Variants in TMCO5A observed in about 807,000 individuals in gnomAD.
The protein encoded by TMCO5A is transmembrane and coiled-coil domains 5A.
A neutral mutation model predicts 42.3 loss-of-function variants in TMCO5A; 34 were observed. The ratio of observed to expected loss-of-function variants is 0.80; its 90% confidence interval spans 0.61 to 1.07. TMCO5A has a LOEUF of 1.07. Among genes scored for constraint, TMCO5A ranks in the 50% least tolerant of loss-of-function variants. The pLI is 0.00. For synonymous variants in TMCO5A, 131 were observed against 115.6 expected, an observed-to-expected ratio of 1.13 and a Z score of -0.86; for missense variants, 357 against 327.9, an observed-to-expected ratio of 1.09 and a Z score of -0.69.
At chr15:38,020,334 G>A in the TMCO5A span, 1 of 152,120 alleles carries the variant, frequency 6.6e-6, no homozygotes, top group South Asian at 2.1e-4. Flanking sequence ...AATAGGGTGA[G>A]GGGAGGAAAG....
At position 37,942,247 on chromosome 15, in the gene TMCO5A, G is replaced by C; in HGVS notation, c.561G>C (p.Glu187Asp). The change falls in exon 9 of 12, where the codon GAG becomes GAC. Residue 187 changes from glutamate to aspartate, a missense_variant. By Grantham distance (45) the Glu-to-Asp change is conservative. Transcript: ENST00000319669. ...AAGAACTAGAGGCTCTGTTCCTTGA[G>C]AGAGAAGTGTGAGCTTTGGCAAAGG... ...IEEELEALFLEREVSKLVSMN... is the reference protein window; with the variant it reads ...IEEELEALFLDREVSKLVSMN... 1 of 1,612,802 alleles carries C rather than the reference G, an allele frequency of 6.2e-7. No homozygotes were observed. Among genetic ancestry groups the C allele is most frequent in the South Asian group, 1.1e-5 (1 of 91,000 alleles).
the TMCO5A span, among the ~76,000 whole-genome samples, chr15:37,977,271 T>C: frequency 6.6e-6 from 1 of 152,148 alleles, no homozygotes; most frequent in Non-Finnish European, 1.5e-5. Context: ...GTGCAGTTGT[T>C]TGGAGGTAAG....
downstream of TMCO5A, among the ~76,000 whole-genome samples, chr15:37,955,058 A>T (rs1890251885): frequency 6.6e-6 from 1 of 152,018 alleles, no homozygotes; most frequent in Non-Finnish European, 1.5e-5. Context: ...CAAAACAACA[A>T]GGAAACAACA....
the TMCO5A span, chr15:38,004,883 G>A: frequency 6.6e-6 from 1 of 152,120 alleles, no homozygotes; most frequent in Admixed American, 6.5e-5. Flanking sequence ...TGCTTTTCTT[G>A]TATTGCTTAA....
the TMCO5A span, among the ~76,000 whole-genome samples, chr15:38,031,427 C>A: frequency 2.0e-5 from 3 of 152,128 alleles, no homozygotes; most frequent in East Asian, 5.8e-4. Flanking sequence ...GAAGTGACAA[C>A]ATACAACTCC....
At chr15:37,975,388 T>TCGGGAGGCTGAGGCAGGA in the TMCO5A span, among the ~76,000 whole-genome samples, 3 of 151,672 alleles carry the variant, frequency 2.0e-5, no homozygotes, top group African/African-American at 7.3e-5. Flanking sequence ...TTGTAGGTCT[T>TCGGGAGGCTGAGGCAGGA]TAAGAAATTG....
chr15:37,995,563 G>T, the TMCO5A span, among the ~76,000 whole-genome samples: 1 of 152,152 alleles, frequency 6.6e-6, no homozygotes, highest in Non-Finnish European at 1.5e-5. Context: ...AACTTCCACC[G>T]AAGAGCCCAG....
the TMCO5A span, among the ~76,000 whole-genome samples, chr15:38,039,466 G>A: frequency 6.1e-3 from 922 of 152,178 alleles, 13 homozygotes; most frequent in African/African-American, 0.021. Flanking sequence ...ATAAGTTATC[G>A]TTCCTCTTGT....
chr15:37,956,965 C>A (rs1350602782), intron 11 of TMCO5A, among the ~76,000 whole-genome samples: 1 of 152,168 alleles, frequency 6.6e-6, no homozygotes, highest in Non-Finnish European at 1.5e-5. Flanking sequence ...TAATCCATCA[C>A]ATAAACAGAA....
intron 9 of TMCO5A, chr15:37,942,458 A>G (rs1471508151): frequency 7.4e-6 from 4 of 542,800 alleles, no homozygotes; most frequent in African/African-American, 1.9e-5. Flanking sequence ...CCTTCTAAAA[A>G]GACCACAGAA....
chr15:37,971,603 C>T (rs1032849280), downstream of TMCO5A, among the ~76,000 whole-genome samples: 1 of 152,190 alleles, frequency 6.6e-6, no homozygotes, highest in African/African-American at 2.4e-5. Flanking sequence ...ATTTTCCAAA[C>T]TTTTATGCTG....
the TMCO5A span, among the ~76,000 whole-genome samples, chr15:38,008,155 A>G: frequency 6.6e-6 from 1 of 151,852 alleles, no homozygotes; most frequent in Non-Finnish European, 1.5e-5. Context: ...TTGGCCTCCC[A>G]AAGTGCTGAG....
At chr15:37,940,822 T>A (rs1373509577) in intron 6 of TMCO5A, among the ~76,000 whole-genome samples, 1 of 152,120 alleles carries the variant, frequency 6.6e-6, no homozygotes, top group East Asian at 1.9e-4. Context: ...AGAGTCTGAC[T>A]GACTATATTA....
the TMCO5A span, among the ~76,000 whole-genome samples, chr15:37,979,199 A>G: frequency 6.6e-6 from 1 of 152,030 alleles, no homozygotes; most frequent in African/African-American, 2.4e-5. Flanking sequence ...CCTGGAACAC[A>G]GTCTTGTTGC....
the TMCO5A span, among the ~76,000 whole-genome samples, chr15:37,995,034 A>C: frequency 6.6e-6 from 1 of 152,160 alleles, no homozygotes; most frequent in African/African-American, 2.4e-5. Flanking sequence ...ATACTGGCAG[A>C]GTGATTTGTT....
At chr15:38,027,296 T>C in the TMCO5A span, among the ~76,000 whole-genome samples, 1 of 152,188 alleles carries the variant, frequency 6.6e-6, no homozygotes, top group African/African-American at 2.4e-5. Flanking sequence ...CAGCATGACC[T>C]GGATGTGAGA....
At chr15:38,002,902 T>C in the TMCO5A span, among the ~76,000 whole-genome samples, 1 of 152,238 alleles carries the variant, frequency 6.6e-6, no homozygotes, top group Non-Finnish European at 1.5e-5. Context: ...TGGGTAGTCT[T>C]GATGCTTGTA....
the TMCO5A span, among the ~76,000 whole-genome samples, chr15:38,027,922 G>A: frequency 6.6e-6 from 1 of 152,078 alleles, no homozygotes; most frequent in African/African-American, 2.4e-5. Flanking sequence ...GGCCTCCCCA[G>A]ACATGTGGAA....
intron 3 of TMCO5A, 103 bp downstream of exon 3, chr15:37,936,566 G>T: frequency 1.4e-6 from 2 of 1,413,340 alleles, no homozygotes; most frequent in South Asian, 2.8e-5. Context: ...CTTCTACCTT[G>T]TGTGGCAAAA....
Sources: gnomAD v4.1 joint callset for allele counts (sites outside exome capture counted in the v4.1 genomes callset) on GRCh38, gnomAD v4.1.1 for gene constraint, MANE v1.5 for transcripts, NCBI Gene and HGNC (gene_info 2026-07-23, HGNC 2026-07-21) for gene names.